The following IL1RAPL2 variants were observed in gnomAD, a reference collection of about 807,000 sequenced individuals.
IL1RAPL2 encodes X-linked interleukin-1 receptor accessory protein-like 2.
Under a neutral mutation model 44.1 loss-of-function variants are expected in IL1RAPL2, and 3 were observed. That is an observed-to-expected ratio of 0.07 (90% CI 0.03 to 0.18). The LOEUF is 0.18. IL1RAPL2 is among the 10% of genes least tolerant of loss of function. The probability of loss-of-function intolerance (pLI) is 1.00; values close to 1 mark genes in which losing one functional copy is unlikely to be tolerated. For synonymous variants in IL1RAPL2, 181 were observed against 178.8 expected (o/e 1.01, Z -0.10); for missense variants, 391 against 496.4 (o/e 0.79, Z 2.02).
intron 1 of IL1RAPL2, among the ~76,000 whole-genome samples, chrX:104,657,912 A>G (rs905855060): frequency 1.8e-5 from 2 of 112,338 alleles, no homozygotes; most frequent in Non-Finnish European, 3.8e-5. Flanking sequence ...CAAAACCACA[A>G]TGAGATACCA....
chrX:104,886,379 C>T (rs1174075781), intron 2 of IL1RAPL2, among the ~76,000 whole-genome samples: 1 of 111,691 alleles, frequency 9.0e-6, no homozygotes, highest in Non-Finnish European at 1.9e-5. Context: ...CCTGCCCAGT[C>T]CAAATCAGGC....
chrX:105,456,940 G>T (rs1470562177), intron 5 of IL1RAPL2, among the ~76,000 whole-genome samples: 2 of 108,812 alleles, frequency 1.8e-5, no homozygotes, highest in African/African-American at 6.7e-5. Flanking sequence ...GTATTCTAAG[G>T]TTGGTGGAGT....
intron 5 of IL1RAPL2, among the ~76,000 whole-genome samples, chrX:105,457,174 G>A (rs756457810): frequency 9.1e-6 from 1 of 110,161 alleles, no homozygotes; most frequent in East Asian, 2.9e-4. Context: ...TGGAAGAAAT[G>A]TCATGAATAT....
chrX:105,075,397 T>G (rs6621916), intron 2 of IL1RAPL2, among the ~76,000 whole-genome samples: 45,435 of 110,151 alleles, frequency 0.41, 8,253 homozygotes, highest in East Asian at 0.74. Context: ...GAAGCCCACT[T>G]GATCATGGTG....
At chrX:104,853,954 G>A (rs1470154079) in intron 2 of IL1RAPL2, among the ~76,000 whole-genome samples, 1 of 108,404 alleles carries the variant, frequency 9.2e-6, no homozygotes, top group African/African-American at 3.4e-5. Context: ...GTACTGGAGT[G>A]TGTGAAAAAA....
At chrX:104,781,015 A>C (rs1175449991) in intron 2 of IL1RAPL2, among the ~76,000 whole-genome samples, 1 of 111,502 alleles carries the variant, frequency 9.0e-6, no homozygotes, top group Non-Finnish European at 1.9e-5. Flanking sequence ...GAAGTTTCCC[A>C]AAAATGGTAT....
At chrX:105,195,406 G>A (rs1417162591) in intron 2 of IL1RAPL2, 69 bp from the exon 3 acceptor site, 1 of 1,035,114 alleles carries the variant, frequency 9.7e-7, no homozygotes. Context: ...TGTTGGTGAT[G>A]ATTACTGCTC....
chrX:104,681,352 C>T (rs1930889023), intron 2 of IL1RAPL2, among the ~76,000 whole-genome samples: 1 of 112,069 alleles, frequency 8.9e-6, no homozygotes, highest in African/African-American at 3.2e-5. Context: ...TGGAGAAGTA[C>T]AAGTTCCCCT....
intron 2 of IL1RAPL2, among the ~76,000 whole-genome samples, chrX:105,186,076 C>T (rs962814215): frequency 4.5e-5 from 5 of 111,698 alleles, no homozygotes; most frequent in East Asian, 5.7e-4. Flanking sequence ...GTATGTGAAA[C>T]GATGCGTGTA....
At chrX:105,403,329 A>G (rs191430880) in intron 5 of IL1RAPL2, among the ~76,000 whole-genome samples, 73 of 111,915 alleles carry the variant, frequency 6.5e-4, no homozygotes, top group South Asian at 3.3e-3. Context: ...AAGAGATTCA[A>G]CAATGCCATT....
intron 1 of IL1RAPL2, among the ~76,000 whole-genome samples, chrX:104,610,811 G>A (rs775446320): frequency 7.2e-5 from 8 of 111,610 alleles, no homozygotes; most frequent in East Asian, 2.8e-4. Context: ...AAAAGAGCCC[G>A]CATCGCCAAG....
At chrX:105,670,103 C>CTG (rs1569463778) in intron 6 of IL1RAPL2, among the ~76,000 whole-genome samples, 2 of 8,775 alleles carry the variant, frequency 2.3e-4, no homozygotes, top group Non-Finnish European at 4.3e-4. Context: ...TCTGGGTTTC[C>CTG]TGTATATATA....
chrX:104,818,470 C>T (rs1238412865), intron 2 of IL1RAPL2, among the ~76,000 whole-genome samples: 1 of 107,260 alleles, frequency 9.3e-6, no homozygotes, highest in Non-Finnish European at 1.9e-5. Flanking sequence ...GATGACATAA[C>T]CAAGAAACAT....
intron 2 of IL1RAPL2, among the ~76,000 whole-genome samples, chrX:105,140,987 C>G (rs1298279260): frequency 1.8e-5 from 2 of 111,221 alleles, no homozygotes; most frequent in Non-Finnish European, 3.8e-5. Context: ...AGCCCTTGCC[C>G]TGATATTCAC....
At chrX:105,300,879 AG>A (rs1374056834) in intron 5 of IL1RAPL2, among the ~76,000 whole-genome samples, 1 of 111,724 alleles carries the variant, frequency 9.0e-6, no homozygotes, top group Admixed American at 9.5e-5. Flanking sequence ...GGCAAACTAT[AG>A]TTTGTGTATC....
chrX:105,138,473 C>CAAAAAAAAAAAAAAAAAAAAACA (rs371757842), intron 2 of IL1RAPL2, among the ~76,000 whole-genome samples: 1 of 54,481 alleles, frequency 1.8e-5, no homozygotes, highest in Non-Finnish European at 3.4e-5. Context: ...ATATAATTAC[C>CAAAAAAAAAAAAAAAAAAAAACA]AAAAAAAAAA....
intron 4 of IL1RAPL2, among the ~76,000 whole-genome samples, chrX:105,260,086 C>A (rs929948595): frequency 1.8e-5 from 2 of 112,142 alleles, no homozygotes; most frequent in African/African-American, 6.5e-5. Flanking sequence ...TGGGTGGAGA[C>A]CCTGGTTGGA....
At chrX:105,660,029 G>T (rs1025240327) in intron 6 of IL1RAPL2, among the ~76,000 whole-genome samples, 5 of 111,099 alleles carry the variant, frequency 4.5e-5, no homozygotes, top group African/African-American at 1.3e-4. Context: ...ATTACAAAAA[G>T]GTTATAGAAC....
chrX:104,586,438 CT>C (rs928689720), intron 1 of IL1RAPL2, among the ~76,000 whole-genome samples: 1 of 111,606 alleles, frequency 9.0e-6, no homozygotes, highest in African/African-American at 3.3e-5. Flanking sequence ...GCAGAAGCTC[CT>C]TAGTTTAATT....
Sources: gnomAD v4.1 joint callset for allele counts (sites outside exome capture counted in the v4.1 genomes callset) on GRCh38, gnomAD v4.1.1 for gene constraint, MANE v1.5 for transcripts, NCBI Gene and HGNC (gene_info 2026-07-23, HGNC 2026-07-21) for gene names.